Variants in FLRT2 observed in about 807,000 individuals in gnomAD.
FLRT2 encodes the protein leucine-rich repeat transmembrane protein FLRT2.
FLRT2 carries 15 observed loss-of-function variants against 40.0 expected under a neutral mutation model. The ratio of observed to expected loss-of-function variants is 0.38; its 90% CI spans 0.25 to 0.58. The LOEUF (loss-of-function observed/expected upper bound fraction) is 0.58. FLRT2 is among the 20% of genes least tolerant of loss of function. The pLI is 0.71. For missense variants in FLRT2, 726 were observed against 840.0 expected, an observed-to-expected ratio of 0.86 and a Z score of 1.68; for synonymous variants, 380 against 336.8, an observed-to-expected ratio of 1.13 and a Z score of -1.41.
chr14:85,624,913 A>G lies in FLRT2; in HGVS notation c.*1416A>G, dbSNP rs554036177. On this transcript the variant is annotated 3_prime_UTR_variant, in exon 2 of 2. Transcript: ENST00000330753. Reference sequence around the variant, plus strand: ...GATCCTGTTCCACTTTTGAAATTTTATTTGTTCCTTTTCCATCGTGGATGT... The same window carrying G: ...GATCCTGTTCCACTTTTGAAATTTTGTTTGTTCCTTTTCCATCGTGGATGT... 1 of 166,996 alleles carries G rather than the reference A, an allele frequency of 6.0e-6. No individual in the cohort carries two copies. Among genetic ancestry groups the G allele is most frequent in the Non-Finnish European group, 1.5e-5 (1 of 68,094 alleles). The allele number at this position is 166,996 out of a possible 1,614,324, so 10.3% of individuals were successfully genotyped here.
intron 1 of FLRT2, among the ~76,000 whole-genome samples, chr14:85,602,061 A>G (rs928098168): frequency 1.8e-4 from 27 of 152,302 alleles, no homozygotes; most frequent in African/African-American, 6.5e-4. Flanking sequence ...GCCTGTGAAT[A>G]CAATTTGTTA....
chr14:85,552,338 G>T (rs964578822), intron 1 of FLRT2, among the ~76,000 whole-genome samples: 34 of 152,112 alleles, frequency 2.2e-4, no homozygotes, highest in African/African-American at 6.5e-4. Flanking sequence ...TTTCTCATCT[G>T]CATAGTGGGG....
chr14:85,594,830 C>A (rs573082854), intron 1 of FLRT2, among the ~76,000 whole-genome samples: 2 of 152,146 alleles, frequency 1.3e-5, no homozygotes, highest in African/African-American at 2.4e-5. Context: ...TACTAATAGC[C>A]TATTGTTGAG....
chr14:85,587,075 C>T lies in FLRT2; in HGVS notation c.-376-34064C>T, dbSNP rs537709995. Among the ~76,000 whole-genome samples the T allele has an allele frequency of 3.9e-5, 6 of 152,158 alleles. No homozygotes were observed. In the South Asian group the frequency reaches 1.0e-3, roughly 26 times the overall value. On this transcript the variant is annotated intron_variant, in intron 1 of 1. Transcript: ENST00000330753. ...CCAGTATCTAACTTGATATTTAGCC[C>T]TTGGCTCTATCTAAGACAAAGGTAT...
chr14:85,575,222 C>A (rs1487317390), intron 1 of FLRT2, among the ~76,000 whole-genome samples: 1 of 152,158 alleles, frequency 6.6e-6, no homozygotes, highest in Admixed American at 6.5e-5. Context: ...CAAGGATCTG[C>A]TGCTTCTGGG....
intron 1 of FLRT2, among the ~76,000 whole-genome samples, chr14:85,565,569 T>A (rs893272951): frequency 6.6e-6 from 1 of 152,212 alleles, no homozygotes; most frequent in Non-Finnish European, 1.5e-5. Context: ...TTTATTTAAA[T>A]TTTTGAATGA....
intron 1 of FLRT2, among the ~76,000 whole-genome samples, chr14:85,534,864 G>A (rs1187588601): frequency 1.4e-5 from 2 of 142,722 alleles, no homozygotes; most frequent in African/African-American, 5.3e-5. Context: ...CCCCAACTGA[G>A]TTTTTAGTTT....
In FLRT2 at chr14:85,639,762, A is replaced by G. The variant is rs768539458; in HGVS notation, c.*16265A>G. ...ATAAGTGATGGAATGAGCTTTGAAA[A>G]CACAGGGCTTAGGATTTCAAATCAG... On this transcript the variant is annotated 3_prime_UTR_variant, in exon 2 of 2. Transcript: ENST00000330753. 6.6e-6 allele frequency: 1 copy of G among 152,004 alleles called. No individual in the cohort carries two copies. The highest frequency in any genetic ancestry group is 1.5e-5 in the Non-Finnish European group (1 of 67,998). The allele number at this position is 152,004 out of a possible 1,614,324, so 9.4% of individuals were successfully genotyped here.
In FLRT2 at chr14:85,625,049, G is replaced by C. The variant is rs1163973744; in HGVS notation, c.*1552G>C. ...TTTCCCCTAATCCTGGCAGAGCAGG[G>C]CGTAGAAAAGAGAGGATGTCCGTGC... On this transcript the variant is annotated 3_prime_UTR_variant, in exon 2 of 2. Coordinates refer to ENST00000330753, the MANE Select transcript of FLRT2 (RefSeq NM_013231.6). 1 of 167,020 alleles carries C rather than the reference G, an allele frequency of 6.0e-6. No homozygotes were observed. The highest frequency in any genetic ancestry group is 1.5e-5 in the Non-Finnish European group (1 of 68,122). The allele number at this position is 167,020 out of a possible 1,614,324, so 10.3% of individuals were successfully genotyped here.
rs570914278 is a variant in FLRT2, at chr14:85,626,726, C to A, written c.*3229C>A. On this transcript the variant is annotated 3_prime_UTR_variant, in exon 2 of 2. Coordinates refer to ENST00000330753, the MANE Select transcript of FLRT2 (RefSeq NM_013231.6). Reference sequence around the variant, plus strand: ...TTTTCCTTGTGTAACAAATGGAAAACATTCTCCCCTGTGAGAAATAATGCA... The same window carrying A: ...TTTTCCTTGTGTAACAAATGGAAAAAATTCTCCCCTGTGAGAAATAATGCA... The A allele has an allele frequency of 1.1e-4, 19 of 167,178 alleles. No individual in the cohort carries two copies. The East Asian group carries it at 3.7e-3, about 32-fold the overall frequency. 10.4% of individuals were successfully genotyped at this position (167,178 alleles called of 1,614,324 possible).
chr14:85,568,455 G>A (rs1173607635), intron 1 of FLRT2, among the ~76,000 whole-genome samples: 1 of 152,166 alleles, frequency 6.6e-6, no homozygotes, highest in Non-Finnish European at 1.5e-5. Context: ...TGCTAGGTAT[G>A]TTTCTGAATG....
Position 85,651,200 on chromosome 14 carries a change from A to G in FLRT2, c.*27703A>G, listed in dbSNP as rs1894424608. On this transcript the variant is annotated 3_prime_UTR_variant, in exon 2 of 2. Transcript: ENST00000330753. Reference sequence around the variant, plus strand: ...TTTTGGTATATAGATATCTTTAATTACATATTTCTAAATTATTTTCATTTA... The same window carrying G: ...TTTTGGTATATAGATATCTTTAATTGCATATTTCTAAATTATTTTCATTTA... 6.6e-6 allele frequency: 1 copy of G among 151,992 alleles called. No homozygotes were observed. The highest frequency in any genetic ancestry group is 2.4e-5 in the African/African-American group (1 of 41,404). The allele number at this position is 151,992 out of a possible 1,614,324, so 9.4% of individuals were successfully genotyped here.
chr14:85,624,807 C>A lies in FLRT2; in HGVS notation c.*1310C>A. ...GTACTAATTTTCACTGCTAATAATT[C>A]TGTAAGGACACATCAAAGCTGGCCA... On this transcript the variant is annotated 3_prime_UTR_variant, in exon 2 of 2. Transcript: ENST00000330753. 1 of 167,108 alleles carries A rather than the reference C, an allele frequency of 6.0e-6. No individual in the cohort carries two copies. The allele number at this position is 167,108 out of a possible 1,614,324, so 10.4% of individuals were successfully genotyped here. A position where few individuals can be genotyped will look rare whatever the true frequency, so the allele number is the denominator to read the frequency against.
At chr14:85,595,996 A>G (rs1447556149) in intron 1 of FLRT2, among the ~76,000 whole-genome samples, 1 of 152,094 alleles carries the variant, frequency 6.6e-6, no homozygotes, top group Non-Finnish European at 1.5e-5. Flanking sequence ...GGTCTTTGAG[A>G]TTTCTGCAAT....
chr14:85,653,785 ATGTGTGTGACTCCTTCTC>A lies in FLRT2; in HGVS notation c.*30296_*30313del, dbSNP rs1211471725. On this transcript the variant is annotated 3_prime_UTR_variant, in exon 2 of 2. Coordinates refer to ENST00000330753, the MANE Select transcript of FLRT2 (RefSeq NM_013231.6). ...GCAGGGATGTTTTGAGGATATGTTG[ATGTGTGTGACTCCTTCTC>A]TGTGTGTTGCTATTAAAGACATTAA... The A allele has an allele frequency of 2.0e-5, 3 of 152,186 alleles. No individual in the cohort carries two copies. The highest frequency in any genetic ancestry group is 4.4e-5 in the Non-Finnish European group (3 of 68,044). 9.4% of individuals were successfully genotyped at this position (152,186 alleles called of 1,614,324 possible). A position where few individuals can be genotyped will look rare whatever the true frequency, so the allele number is the denominator to read the frequency against.
At position 85,627,203 on chromosome 14, in the gene FLRT2, G is replaced by A. The variant is rs1392265242; in HGVS notation, c.*3706G>A. ...TCATGACTTACCATTCCAGCTGCAT[G>A]GGAAAGCAAAGCAGAAAACAGTGCC... On this transcript the variant is annotated 3_prime_UTR_variant, in exon 2 of 2. Coordinates refer to ENST00000330753, the MANE Select transcript of FLRT2 (RefSeq NM_013231.6). 6.0e-6 allele frequency: 1 copy of A among 167,074 alleles called. No homozygotes were observed. The highest frequency in any genetic ancestry group is 1.5e-5 in the Non-Finnish European group (1 of 68,142). 10.3% of individuals were successfully genotyped at this position (167,074 alleles called of 1,614,324 possible).
intron 1 of FLRT2, among the ~76,000 whole-genome samples, chr14:85,563,658 T>A (rs527395738): frequency 6.4e-4 from 98 of 152,248 alleles, no homozygotes; most frequent in African/African-American, 2.2e-3. Context: ...CATGATTCAA[T>A]CACCTCCTTC....
Position 85,623,755 on chromosome 14 carries a change from C to T in FLRT2, c.*258C>T. On this transcript the variant is annotated 3_prime_UTR_variant, in exon 2 of 2. Coordinates refer to ENST00000330753, the MANE Select transcript of FLRT2 (RefSeq NM_013231.6). ...TAAAAAAAAAAAAGTTGCTGAAGTA[C>T]TGTACAGGGTTGTACAATGAGAACC... 1 of 349,464 alleles carries T rather than the reference C, an allele frequency of 2.9e-6. No homozygotes were observed. The highest frequency in any genetic ancestry group is 5.3e-6 in the Non-Finnish European group (1 of 188,030). The allele number at this position is 349,464 out of a possible 1,614,324, so 21.6% of individuals were successfully genotyped here. A position where few individuals can be genotyped will look rare whatever the true frequency, so the allele number is the denominator to read the frequency against.
chr14:85,621,453 G>GT lies in FLRT2; in HGVS notation c.-59dup, dbSNP rs869208993. 4.8e-6 allele frequency: 7 copies of GT among 1,472,818 alleles called. No homozygotes were observed. In the African/African-American group the frequency reaches 7.4e-5, roughly 16 times the overall value. The allele number at this position is 1,472,818 out of a possible 1,614,324, so 91.2% of individuals were successfully genotyped here. On this transcript the variant is annotated 5_prime_UTR_variant, in exon 2 of 2. Transcript: ENST00000330753. ...CCCATCCAGTCATTTTGATTTTGCT[G>GT]TTTATTTTTTTTTTCTTTTTCTTTT... is the stretch of plus-strand genomic sequence containing the variant.
Sources: allele counts gnomAD v4.1 joint callset (sites outside exome capture counted in the v4.1 genomes callset), GRCh38; gene constraint gnomAD v4.1.1; transcripts MANE v1.5; gene names NCBI Gene and HGNC (gene_info 2026-07-23, HGNC 2026-07-21).